Variants in ST14 observed in about 807,000 individuals in gnomAD.
ST14 encodes the protein suppressor of tumorigenicity 14 protein.
ST14 carries 40 observed loss-of-function variants against 96.5 expected under a neutral mutation model. The observed-to-expected ratio is 0.41, with a 90% confidence interval of 0.32 to 0.54. The LOEUF (loss-of-function observed/expected upper bound fraction) is 0.54, where lower values mean the gene tolerates loss of function less well. ST14 is among the 20% of genes least tolerant of loss of function. The pLI, the probability that ST14 is intolerant of heterozygous loss-of-function variation, is 0.17. For synonymous variants in ST14, 506 were observed against 492.1 expected (o/e 1.03, Z -0.37); for missense variants, 1,066 against 1,188.9 (o/e 0.90, Z 1.52).
chr11:130,196,896 T>A, intron 11 of ST14, 196 bp downstream of exon 11: 1 of 751,080 alleles, frequency 1.3e-6, no homozygotes, highest in Non-Finnish European at 2.2e-6. Flanking sequence ...CTGTGAGCGC[T>A]GGCACACACT....
At chr11:130,184,871 C>T (rs1485276301) in intron 1 of ST14, among the ~76,000 whole-genome samples, 1 of 152,130 alleles carries the variant, frequency 6.6e-6, no homozygotes, top group Non-Finnish European at 1.5e-5. Flanking sequence ...TCACTCCAGC[C>T]AGGAGATTAG....
chr11:130,173,447 T>C (rs1052162669), intron 1 of ST14, among the ~76,000 whole-genome samples: 2 of 151,988 alleles, frequency 1.3e-5, no homozygotes, highest in Non-Finnish European at 2.9e-5. Context: ...AATACAAAAA[T>C]TAGCCAGGTG....
At chr11:130,167,228 A>G (rs1441514459) in intron 1 of ST14, among the ~76,000 whole-genome samples, 1 of 152,190 alleles carries the variant, frequency 6.6e-6, no homozygotes, top group Non-Finnish European at 1.5e-5. Flanking sequence ...ATTTTTTTTA[A>G]TAAAAATGAC....
At chr11:130,175,823 C>G (rs923416889) in intron 1 of ST14, among the ~76,000 whole-genome samples, 1 of 151,968 alleles carries the variant, frequency 6.6e-6, no homozygotes, top group African/African-American at 2.4e-5. Flanking sequence ...GCCACCACAT[C>G]CAGCTAATTT....
At chr11:130,194,391 T>G in intron 8 of ST14, 103 bp downstream of exon 8, 1 of 1,522,796 alleles carries the variant, frequency 6.6e-7, no homozygotes, top group Non-Finnish European at 9.0e-7. Context: ...CTAGACCCTG[T>G]GGTTGGCGAG....
chr11:130,171,741 A>T (rs1953093943), intron 1 of ST14, among the ~76,000 whole-genome samples: 1 of 152,264 alleles, frequency 6.6e-6, no homozygotes, highest in Admixed American at 6.5e-5. Context: ...CTCAGGAGGC[A>T]GAGCCTCGGG....
intron 15 of ST14, among the ~76,000 whole-genome samples, 166 bp downstream of exon 15, chr11:130,199,235 G>A (rs747851466): frequency 1.3e-5 from 2 of 152,236 alleles, no homozygotes; most frequent in African/African-American, 2.4e-5. Flanking sequence ...CAGTTGGCAT[G>A]AAGGCACCAC....
intron 16 of ST14, among the ~76,000 whole-genome samples, chr11:130,206,864 G>C (rs1323898048): frequency 1.3e-5 from 2 of 152,012 alleles, no homozygotes; most frequent in Non-Finnish European, 2.9e-5. Context: ...CACCATGCCC[G>C]GCCAGGGGCT....
At position 130,188,754 on chromosome 11, in the gene ST14, T is replaced by C. The variant is rs190433992; in HGVS notation, c.369+97T>C. ...TGCCTCGCCTGTGCTCCCAGGGCCC[T>C]GGGATGGGGGTGATCTGCAAAGGGG... On this transcript the variant is annotated intron_variant, in intron 3 of 18. Transcript: ENST00000278742. This position sits in a 1 kb window ranked among gnomAD's most constrained non-coding sequence, Gnocchi z 5.4. 2.4e-3 allele frequency: 3,750 copies of C among 1,592,784 alleles called. 82 individuals are homozygous for C. In the African/African-American group the frequency reaches 0.045, roughly 19 times the overall value.
intron 1 of ST14, among the ~76,000 whole-genome samples, chr11:130,182,870 CG>C (rs1343664219): frequency 6.6e-6 from 1 of 150,386 alleles, no homozygotes; most frequent in Non-Finnish European, 1.5e-5. Context: ...AGGCTGGTCT[CG>C]AACTCCTGAC....
intron 11 of ST14, among the ~76,000 whole-genome samples, chr11:130,197,363 C>T (rs1036505544): frequency 2.6e-5 from 4 of 152,220 alleles, no homozygotes; most frequent in Non-Finnish European, 5.9e-5. Flanking sequence ...CAGATGCCTC[C>T]GGATTTCAGA....
chr11:130,189,800 G>A lies in ST14; in HGVS notation c.502G>A (p.Glu168Lys). ...CAGCATCCCGCAGCACCTGGTGGAG[G>A]AGGCCGAGCGCGTCATGGCCGAGGA... ...EFSIPQHLVE[E>K]AERVMAEERV... Residue 168 changes from glutamate to lysine, a missense_variant, in exon 5 of 19, where the codon GAG becomes AAG. Physicochemically the swap from Glu to Lys is moderately conservative, Grantham distance 56. Transcript: ENST00000278742. The A allele has an allele frequency of 6.2e-7, 1 of 1,613,910 alleles. No individual in the cohort carries two copies. The highest frequency in any genetic ancestry group is 8.5e-7 in the Non-Finnish European group (1 of 1,179,964).
intron 17 of ST14, 67 bp downstream of exon 17, chr11:130,208,751 C>G: frequency 1.3e-6 from 2 of 1,538,648 alleles, no homozygotes; most frequent in Non-Finnish European, 1.8e-6. Flanking sequence ...CGTGTTTCCT[C>G]TGCGTGTCCG....
intron 16 of ST14, among the ~76,000 whole-genome samples, chr11:130,205,702 T>TTTTTTTG (rs1653112893): frequency 1.2e-5 from 1 of 83,140 alleles, no homozygotes; most frequent in African/African-American, 3.6e-5. Context: ...TTTAGACGTT[T>TTTTTTTG]TTTTTTTTGT....
intron 7 of ST14, among the ~76,000 whole-genome samples, chr11:130,191,117 G>A (rs1324447824): frequency 6.6e-6 from 1 of 152,170 alleles, no homozygotes; most frequent in Non-Finnish European, 1.5e-5. Flanking sequence ...TTGGGAGGCT[G>A]AGGCGGGAGG....
Position 130,170,038 on chromosome 11 carries a change from G to A in ST14, c.81+9978G>A, listed in dbSNP as rs186469768. ...GGGCTGGTGCAAACTAAATGGGATC[G>A]AAGAGGCAGAGATGGAATTTTCCGG... On this transcript the variant is annotated intron_variant, in intron 1 of 18. Coordinates refer to ENST00000278742, the MANE Select transcript of ST14 (RefSeq NM_021978.4). Among the ~76,000 whole-genome samples, 193 of 152,280 alleles carry A rather than the reference G, an allele frequency of 1.3e-3. 2 individuals are homozygous for A. Among genetic ancestry groups the A allele is most frequent in the Admixed American group, 2.6e-3 (40 of 15,294 alleles).
chr11:130,195,538 C>T (rs1953351419), intron 9 of ST14, among the ~76,000 whole-genome samples: 1 of 152,196 alleles, frequency 6.6e-6, no homozygotes, highest in Non-Finnish European at 1.5e-5. Flanking sequence ...CCAGCCAGAG[C>T]TGCCTCCCTT....
Position 130,209,487 on chromosome 11 carries a change from A to G in ST14, c.2315A>G (p.Asn772Ser). 2.5e-6 allele frequency: 4 copies of G among 1,587,010 alleles called. No individual in the cohort carries two copies. Among genetic ancestry groups the G allele is most frequent in the Non-Finnish European group, 3.4e-6 (4 of 1,166,870 alleles). Residue 772 changes from asparagine to serine, a missense_variant, in exon 18 of 19, where the codon AAC (asparagine) becomes AGC (serine). Physicochemically the swap from Asn to Ser is conservative, Grantham distance 46 (BLOSUM62 1). Coordinates refer to ENST00000278742, the MANE Select transcript of ST14 (RefSeq NM_021978.4). ...CAAAAGGGTGAGATCCGCGTCATCAACCAGACCACCTGCGAGAACCTCCTG... is the reference window on the plus strand; with the variant it reads ...CAAAAGGGTGAGATCCGCGTCATCAGCCAGACCACCTGCGAGAACCTCCTG... Reference protein sequence around the residue: ...ILQKGEIRVINQTTCENLLPQ... With the variant: ...ILQKGEIRVISQTTCENLLPQ...
At chr11:130,183,929 G>A (rs1469610817) in intron 1 of ST14, among the ~76,000 whole-genome samples, 2 of 152,180 alleles carry the variant, frequency 1.3e-5, no homozygotes, top group African/African-American at 2.4e-5. Flanking sequence ...GTGTCCAAAC[G>A]ATGGGATAAA....
Sources: gnomAD v4.1 joint callset for allele counts (sites outside exome capture counted in the v4.1 genomes callset) on GRCh38, gnomAD v4.1.1 for gene constraint, Gnocchi (gnomAD v3.1) non-coding constraint, MANE v1.5 for transcripts, NCBI Gene and HGNC (gene_info 2026-07-23, HGNC 2026-07-21) for gene names.